Variants in DNA2 observed in about 807,000 individuals in gnomAD.
The protein encoded by DNA2 is DNA replication helicase/nuclease 2.
DNA2 carries 101 observed loss-of-function variants against 119.1 expected under a neutral mutation model. The ratio of observed to expected loss-of-function variants is 0.85; its 90% CI spans 0.72 to 1.00. The LOEUF is 1.00. Among genes scored for constraint, DNA2 ranks in the 50% least tolerant of loss-of-function variants. DNA2 has a pLI of 0.00. For missense variants in DNA2, 1,121 were observed against 1,255.5 expected (o/e 0.89, Z 1.62); for synonymous variants, 366 against 424.4 (o/e 0.86, Z 1.69).
In DNA2 at chr10:68,427,650, AACAC is replaced by A. The variant is rs151180015; in HGVS notation, c.2208+2782_2208+2785del. ...GGCAACAGAGCAAGACCTTGTCTCA[AACAC>A]ACACACACACACACACACACACACA... On this transcript the variant is annotated intron_variant, in intron 14 of 20. Transcript: ENST00000358410. Among the ~76,000 whole-genome samples, 731 of 140,180 alleles carry A rather than the reference AACAC, an allele frequency of 5.2e-3. 8 individuals are homozygous for A. The highest frequency in any genetic ancestry group is 0.016 in the African/African-American group (636 of 38,862). 92.0% of individuals were successfully genotyped at this position (140,180 alleles called of 152,430 possible).
rs567194542 is a variant in DNA2, at chr10:68,457,700, A to G, written c.719+1404T>C. ...TGCTAAATGAATAACAGAAAAAAAC[A>G]TATTTCCCCTATAAAATTATAACAA... On this transcript the variant is annotated intron_variant, in intron 5 of 20. Coordinates refer to ENST00000358410, the MANE Select transcript of DNA2 (RefSeq NM_001080449.3). Among the ~76,000 whole-genome samples, 240 of 152,048 alleles carry G rather than the reference A, an allele frequency of 1.6e-3. 1 individual carries two copies. The highest frequency in any genetic ancestry group is 5.6e-3 in the African/African-American group (232 of 41,524).
At chr10:68,438,528 G>A (rs10998167) in intron 9 of DNA2, among the ~76,000 whole-genome samples, 43,087 of 143,506 alleles carry the variant, frequency 0.3, 8,155 homozygotes, top group African/African-American at 0.52. Context: ...TCAAAAAAAA[G>A]AAAAAAAAAC....
chr10:68,435,912 C>T (rs982755641), intron 10 of DNA2, among the ~76,000 whole-genome samples: 3 of 152,152 alleles, frequency 2.0e-5, no homozygotes, highest in African/African-American at 7.2e-5. Context: ...ATAGCTAACA[C>T]AGGGTGGCAT....
chr10:68,470,206 AT>A, intron 1 of DNA2, 43 bp from the exon 2 acceptor site: 1 of 1,494,390 alleles, frequency 6.7e-7, no homozygotes, highest in Non-Finnish European at 9.0e-7. Context: ...CAACCATGAA[AT>A]AAGAAGCCAT....
Position 68,414,084 on chromosome 10 carries a change from A to T in DNA2, c.*955T>A, listed in dbSNP as rs1449153794. 6.6e-6 allele frequency: 1 copy of T among 151,860 alleles called. No individual in the cohort carries two copies. Among genetic ancestry groups the T allele is most frequent in the Non-Finnish European group, 1.5e-5 (1 of 67,976 alleles). The allele number at this position is 151,860 out of a possible 1,614,324, so 9.4% of individuals were successfully genotyped here. ...TAAGATCCATTAGTAGAAAAAATTT[A>T]TTAAATAAAAAACTTCAAGTAATAA... On this transcript the variant is annotated 3_prime_UTR_variant, in exon 21 of 21. Transcript: ENST00000358410.
At chr10:68,432,124 C>T (rs1323188164) in intron 12 of DNA2, 82 bp downstream of exon 12, 3 of 1,163,542 alleles carry the variant, frequency 2.6e-6, no homozygotes, top group Non-Finnish European at 3.7e-6. Flanking sequence ...AGTTGCAAGT[C>T]TAATCAAGAT....
At chr10:68,416,326 C>T (rs904896759) in intron 20 of DNA2, among the ~76,000 whole-genome samples, 3 of 151,952 alleles carry the variant, frequency 2.0e-5, no homozygotes, top group African/African-American at 4.8e-5. Flanking sequence ...ATTAGCTGGG[C>T]ATGGTGGAAT....
In DNA2 at chr10:68,429,139, ACT is replaced by A. The variant is rs1275473949; in HGVS notation, c.2208+1295_2208+1296del. Among the ~76,000 whole-genome samples, 11 of 152,002 alleles carry A rather than the reference ACT, an allele frequency of 7.2e-5. No homozygotes were observed. The East Asian group carries it at 7.7e-4, about 11-fold the overall frequency. On this transcript the variant is annotated intron_variant, in intron 14 of 20. Coordinates refer to ENST00000358410, the MANE Select transcript of DNA2 (RefSeq NM_001080449.3). ...CATTAGACAAAGGAGGTAAAGGAAC[ACT>A]CTATTAAATCTAATCTTTGGGAAAT... is the stretch of plus-strand genomic sequence containing the variant.
intron 6 of DNA2, among the ~76,000 whole-genome samples, chr10:68,447,706 G>A (rs953840951): frequency 1.3e-5 from 2 of 151,244 alleles, no homozygotes; most frequent in South Asian, 2.1e-4. Context: ...AAAAAAGGCC[G>A]GGCGCAGTGG....
Position 68,414,864 on chromosome 10 carries a change from T to A in DNA2, c.*175A>T. ...AAATTTATCAAACTCTTTCTCTAGGTTAGGCAAAAATGCATGCATAGAACC... is the reference window on the plus strand; with the variant it reads ...AAATTTATCAAACTCTTTCTCTAGGATAGGCAAAAATGCATGCATAGAACC... On this transcript the variant is annotated 3_prime_UTR_variant, in exon 21 of 21. Transcript: ENST00000358410. 1 of 424,612 alleles carries A rather than the reference T, an allele frequency of 2.4e-6. No individual in the cohort carries two copies. Among genetic ancestry groups the A allele is most frequent in the Middle Eastern group, 5.0e-4 (1 of 1,986 alleles). The allele number at this position is 424,612 out of a possible 1,614,324, so 26.3% of individuals were successfully genotyped here.
chr10:68,419,327 T>C (rs984021864), intron 18 of DNA2, 114 bp from the exon 19 acceptor site: 5 of 802,842 alleles, frequency 6.2e-6, no homozygotes, highest in Non-Finnish European at 9.2e-6. Flanking sequence ...ATAACAAACT[T>C]TCCTATCTCA....
At chr10:68,436,988 C>A in intron 10 of DNA2, 23 bp downstream of exon 10, 1 of 1,555,852 alleles carries the variant, frequency 6.4e-7, no homozygotes, top group South Asian at 1.2e-5. Context: ...AAGCTGTTAT[C>A]AAAAAAAGTA....
chr10:68,461,828 CAAAAAAAAA>C (rs554059657), intron 4 of DNA2, among the ~76,000 whole-genome samples: 7 of 70,280 alleles, frequency 1.0e-4, no homozygotes, highest in Non-Finnish European at 2.3e-4. Flanking sequence ...AACTCCGTCT[CAAAAAAAAA>C]AAAAAAAAAA....
At chr10:68,472,160 A>C, upstream of DNA2, 1 of 1,342,212 alleles carries the variant, frequency 7.5e-7, no homozygotes, top group Non-Finnish European at 9.7e-7. Flanking sequence ...TTCTCTCTTG[A>C]CACTCCAACC....
chr10:68,466,405 TAAACTC>T (rs1277474344), intron 3 of DNA2, among the ~76,000 whole-genome samples: 2 of 152,140 alleles, frequency 1.3e-5, no homozygotes, highest in African/African-American at 4.8e-5. Context: ...GCATAGCTGA[TAAACTC>T]ATGTAAGTAA....
At chr10:68,415,569 C>A (rs900002165) in intron 20 of DNA2, among the ~76,000 whole-genome samples, 1 of 152,130 alleles carries the variant, frequency 6.6e-6, no homozygotes, top group Admixed American at 6.5e-5. Context: ...AGCCACCACG[C>A]CCAGCCTCAG....
intron 4 of DNA2, among the ~76,000 whole-genome samples, chr10:68,465,070 G>A (rs984793650): frequency 1.0e-4 from 15 of 149,376 alleles, no homozygotes; most frequent in East Asian, 9.9e-4. Flanking sequence ...CCAGGCTGGA[G>A]TGCAGTGGTG....
chr10:68,451,505 C>T lies in DNA2; in HGVS notation c.720-1258G>A, dbSNP rs537941374. On this transcript the variant is annotated intron_variant, in intron 5 of 20. Transcript: ENST00000358410. The stretch of plus-strand genomic sequence containing the variant: ...TATTCTGCAGAAAGATAAGAGTTAC[C>T]TCTTATTAATCCTATCTACTGGGAA... 6.6e-5 allele frequency among the ~76,000 whole-genome samples: 10 copies of T among 152,144 alleles called. No homozygotes were observed. The East Asian group carries it at 1.9e-3, about 29-fold the overall frequency.
rs530452383 is a variant in DNA2, at chr10:68,444,986, T to C, written c.1155A>G (p.Gln385=). ...RQKTQLASLP[Q]IIEEEKTCKY... ...TACAAGTTTTCTCTTCCTCAATTAT[T>C]TGTGGCAAAGAAGCAAGCTGTGTCT... Residue 385 remains glutamine, a synonymous_variant, in exon 8 of 21, where the codon CAA becomes CAG. Coordinates refer to ENST00000358410, the MANE Select transcript of DNA2 (RefSeq NM_001080449.3). 9.9e-6 allele frequency: 16 copies of C among 1,613,750 alleles called. No individual in the cohort carries two copies. The highest frequency in any genetic ancestry group is 1.3e-5 in the African/African-American group (1 of 75,038).
Sources: allele counts gnomAD v4.1 joint callset (sites outside exome capture counted in the v4.1 genomes callset), GRCh38; gene constraint gnomAD v4.1.1; transcripts MANE v1.5; gene names NCBI Gene and HGNC (gene_info 2026-07-23, HGNC 2026-07-21).